RAB11FIP4: variants seen among roughly 807,000 people sequenced by gnomAD.
RAB11FIP4 encodes RAB11 family interacting protein 4, also known as rab11 family-interacting protein 4.
RAB11FIP4 carries 23 observed loss-of-function variants against 74.3 expected under a neutral mutation model. The observed-to-expected ratio is 0.31, with a 90% CI of 0.22 to 0.44. The LOEUF is 0.44. Ranked by LOEUF, RAB11FIP4 falls within the 20% of genes least tolerant of loss-of-function variation. RAB11FIP4 has a pLI of 1.00. For missense variants in RAB11FIP4, 630 were observed against 863.9 expected (o/e 0.73, Z 3.39); for synonymous variants, 360 against 359.9 (o/e 1.00, Z 0.00).
At chr17:31,457,530 T>G (rs898284309) in intron 3 of RAB11FIP4, among the ~76,000 whole-genome samples, 3 of 152,098 alleles carry the variant, frequency 2.0e-5, no homozygotes, top group Non-Finnish European at 4.4e-5. Flanking sequence ...GCTTCCTGCC[T>G]GCTTCTTCCC....
chr17:31,414,795 G>A (rs1402675775), intron 1 of RAB11FIP4, among the ~76,000 whole-genome samples: 1 of 152,256 alleles, frequency 6.6e-6, no homozygotes, highest in East Asian at 1.9e-4. Context: ...GGGTCCCTGA[G>A]GCGGGGTCCT....
intron 3 of RAB11FIP4, among the ~76,000 whole-genome samples, chr17:31,483,205 A>G (rs2071867841): frequency 6.6e-6 from 1 of 151,208 alleles, no homozygotes; most frequent in Admixed American, 6.6e-5. Context: ...AAAAAAAAAA[A>G]AAAAAAAAAA....
At chr17:31,398,767 A>T (rs1268609953) in intron 1 of RAB11FIP4, among the ~76,000 whole-genome samples, 1 of 152,222 alleles carries the variant, frequency 6.6e-6, no homozygotes, top group Non-Finnish European at 1.5e-5. Flanking sequence ...AGAGGAAAAG[A>T]AGAAGAAAGG....
intron 3 of RAB11FIP4, among the ~76,000 whole-genome samples, chr17:31,503,284 C>T (rs1163346411): frequency 1.3e-5 from 2 of 149,816 alleles, no homozygotes; most frequent in East Asian, 1.9e-4. Flanking sequence ...CCACCCACCT[C>T]GACCTCCCAA....
intron 3 of RAB11FIP4, among the ~76,000 whole-genome samples, chr17:31,449,015 C>A (rs2071497814): frequency 6.6e-6 from 1 of 152,096 alleles, no homozygotes; most frequent in South Asian, 2.1e-4. Context: ...AGACAGGTCC[C>A]CCAGTCAGTA....
chr17:31,444,597 C>A (rs1408531042), intron 3 of RAB11FIP4, among the ~76,000 whole-genome samples: 1 of 152,108 alleles, frequency 6.6e-6, no homozygotes, highest in African/African-American at 2.4e-5. Flanking sequence ...GCTGAGCTGG[C>A]CAGCAAGTGC....
At chr17:31,398,252 C>T (rs1041494572) in intron 1 of RAB11FIP4, among the ~76,000 whole-genome samples, 8 of 152,180 alleles carry the variant, frequency 5.3e-5, no homozygotes, top group Non-Finnish European at 1.2e-4. Context: ...GTTGGCCAGG[C>T]TGGTCTTTTA....
intron 3 of RAB11FIP4, among the ~76,000 whole-genome samples, chr17:31,442,378 C>G (rs2071414504): frequency 6.6e-6 from 1 of 152,174 alleles, no homozygotes; most frequent in Admixed American, 6.5e-5. Context: ...CTAAGTATTT[C>G]CCCACAGCAG....
chr17:31,400,125 G>A (rs539028328), intron 1 of RAB11FIP4, among the ~76,000 whole-genome samples: 1 of 152,224 alleles, frequency 6.6e-6, no homozygotes, highest in Non-Finnish European at 1.5e-5. Flanking sequence ...CTGGGAAATA[G>A]GAAACAACAG....
intron 3 of RAB11FIP4, among the ~76,000 whole-genome samples, chr17:31,441,119 G>T (rs2151631412): frequency 6.6e-6 from 1 of 152,154 alleles, no homozygotes; most frequent in South Asian, 2.1e-4. Context: ...CTGCCTCCCA[G>T]GTCCAAGCGA....
At chr17:31,488,146 C>G in intron 3 of RAB11FIP4, 6 of 1,052,098 alleles carry the variant, frequency 5.7e-6, no homozygotes, top group Non-Finnish European at 5.7e-6. Flanking sequence ...GGCGCGGCCG[C>G]GATTGTTCCT....
At chr17:31,490,433 G>A (rs571681335) in intron 3 of RAB11FIP4, among the ~76,000 whole-genome samples, 1 of 152,292 alleles carries the variant, frequency 6.6e-6, no homozygotes, top group South Asian at 2.1e-4. Flanking sequence ...GGGTGAAGGG[G>A]GTAGGAGAGG....
chr17:31,500,747 G>A (rs539983558), intron 3 of RAB11FIP4, among the ~76,000 whole-genome samples: 2 of 152,302 alleles, frequency 1.3e-5, no homozygotes, highest in African/African-American at 4.8e-5. Context: ...GGAAGTGGCT[G>A]GGCATGGTGG....
At chr17:31,395,604 G>C (rs987771873) in intron 1 of RAB11FIP4, among the ~76,000 whole-genome samples, 2 of 152,098 alleles carry the variant, frequency 1.3e-5, no homozygotes, top group Admixed American at 6.6e-5. Context: ...AATCCCATCC[G>C]AGAGGCATTC....
At chr17:31,418,161 G>A (rs891716869) in intron 1 of RAB11FIP4, among the ~76,000 whole-genome samples, 1 of 152,168 alleles carries the variant, frequency 6.6e-6, no homozygotes, top group Non-Finnish European at 1.5e-5. Context: ...GACAAGGCGG[G>A]CGGATCACCT....
chr17:31,450,559 G>T (rs1360746056), intron 3 of RAB11FIP4, among the ~76,000 whole-genome samples: 2 of 151,778 alleles, frequency 1.3e-5, no homozygotes, highest in African/African-American at 4.8e-5. Flanking sequence ...TGCCCAGGCT[G>T]GTCTCGATCT....
chr17:31,509,204 C>T (rs2072408419), intron 3 of RAB11FIP4: 1 of 152,368 alleles, frequency 6.6e-6, no homozygotes, highest in Non-Finnish European at 1.5e-5. Context: ...TGGTGAAACC[C>T]TGTCTCTACA....
chr17:31,514,014 C>T (rs1356546444), intron 3 of RAB11FIP4, among the ~76,000 whole-genome samples: 1 of 152,234 alleles, frequency 6.6e-6, no homozygotes, highest in Admixed American at 6.5e-5. Context: ...GTGTGTGAGA[C>T]AGGCGAGGAG....
Position 31,536,812 on chromosome 17 carries a change from C to T in RAB11FIP4, c.*5080C>T, listed in dbSNP as rs1253203315. 1 of 395,690 alleles carries T rather than the reference C, an allele frequency of 2.5e-6. No homozygotes were observed. The highest frequency in any genetic ancestry group is 3.6e-5 in the East Asian group (1 of 28,002). 24.5% of individuals were successfully genotyped at this position (395,690 alleles called of 1,614,324 possible). Reference sequence around the variant, plus strand: ...GGCCCTTCTGCCATATTCTCTGCTACCCACCAGAGAAAATAGGCTGCCTTC... The same window carrying T: ...GGCCCTTCTGCCATATTCTCTGCTATCCACCAGAGAAAATAGGCTGCCTTC... On this transcript the variant is annotated 3_prime_UTR_variant, in exon 15 of 15. Transcript: ENST00000621161.
Sources: gnomAD v4.1 joint callset for allele counts (sites outside exome capture counted in the v4.1 genomes callset) on GRCh38, gnomAD v4.1.1 for gene constraint, MANE v1.5 for transcripts, NCBI Gene and HGNC (gene_info 2026-07-23, HGNC 2026-07-21) for gene names.